The following SHCBP1 variants were observed in gnomAD, a reference collection of about 807,000 sequenced individuals.
The protein encoded by SHCBP1 is SHC SH2 domain-binding protein 1.
In SHCBP1, 60 loss-of-function variants were observed where a neutral mutation model predicts 75.1. That is an observed-to-expected ratio of 0.80 (90% CI 0.65 to 0.99). The LOEUF (loss-of-function observed/expected upper bound fraction) is 0.99, where lower values mean the gene tolerates loss of function less well. SHCBP1 is among the 50% of genes least tolerant of loss of function. SHCBP1 has a pLI of 0.00. For synonymous variants in SHCBP1, 290 were observed against 293.2 expected (o/e 0.99, Z 0.11); for missense variants, 709 against 809.4 (o/e 0.88, Z 1.50).
At chr16:46,586,124 C>T (rs1964951594) in intron 10 of SHCBP1, among the ~76,000 whole-genome samples, 1 of 152,124 alleles carries the variant, frequency 6.6e-6, no homozygotes, top group Non-Finnish European at 1.5e-5. Flanking sequence ...ATGAATAAGA[C>T]AATTAACAGA....
Position 46,610,095 on chromosome 16 carries a change from C to T in SHCBP1, c.597-1706G>A, listed in dbSNP as rs556841729. Among the ~76,000 whole-genome samples, 5 of 151,980 alleles carry T rather than the reference C, an allele frequency of 3.3e-5. No homozygotes were observed. In the South Asian group the frequency reaches 1.0e-3, roughly 32 times the overall value. On this transcript the variant is annotated intron_variant, in intron 4 of 12. Coordinates refer to ENST00000303383, the MANE Select transcript of SHCBP1 (RefSeq NM_024745.5). ...CCTCCCTAGTAGCTCAGATTACAGGCACCCGCCACCACGCCCAGCTAATTT... is the reference window on the plus strand; with the variant it reads ...CCTCCCTAGTAGCTCAGATTACAGGTACCCGCCACCACGCCCAGCTAATTT...
At chr16:46,596,070 C>T (rs1299424867) in intron 9 of SHCBP1, among the ~76,000 whole-genome samples, 1 of 152,066 alleles carries the variant, frequency 6.6e-6, no homozygotes, top group Non-Finnish European at 1.5e-5. Flanking sequence ...ACAGAGAAAA[C>T]AGACCACAAC....
intron 4 of SHCBP1, among the ~76,000 whole-genome samples, chr16:46,610,505 C>T (rs1188139981): frequency 7.5e-6 from 1 of 132,994 alleles, no homozygotes; most frequent in Non-Finnish European, 1.6e-5. Flanking sequence ...ACTAATTTCC[C>T]CCACTCTAAA....
chr16:46,617,163 T>C (rs1416228463), intron 3 of SHCBP1, among the ~76,000 whole-genome samples: 1 of 152,136 alleles, frequency 6.6e-6, no homozygotes, highest in East Asian at 1.9e-4. Flanking sequence ...TAACCACATA[T>C]AAACAAATTT....
chr16:46,604,194 GCTGA>G (rs1372183491), intron 6 of SHCBP1, 30 bp downstream of exon 6: 1 of 1,612,680 alleles, frequency 6.2e-7, no homozygotes, highest in Non-Finnish European at 8.5e-7. Flanking sequence ...AAGAAAAGAT[GCTGA>G]CTAACTAAGA....
chr16:46,607,149 G>A (rs1965338348), intron 5 of SHCBP1, among the ~76,000 whole-genome samples: 1 of 152,128 alleles, frequency 6.6e-6, no homozygotes, highest in Non-Finnish European at 1.5e-5. Flanking sequence ...GAGGTCAGGA[G>A]TTCGAGACCA....
intron 4 of SHCBP1, among the ~76,000 whole-genome samples, chr16:46,609,442 C>CTTTTTTTT (rs71158875): frequency 3.6e-4 from 22 of 61,334 alleles, no homozygotes; most frequent in Non-Finnish European, 4.5e-4. Context: ...CTTTTCTTTT[C>CTTTTTTTT]TTTTTTTTTT....
At chr16:46,620,762 G>A (rs1000634491) in intron 1 of SHCBP1, 1 of 153,352 alleles carries the variant, frequency 6.5e-6, no homozygotes, top group Non-Finnish European at 1.5e-5. Context: ...GAAGACCCCG[G>A]TTCTATTTCT....
Position 46,579,389 on chromosome 16 carries a change from A to T in SHCBP1, c.*2340T>A, listed in dbSNP as rs888027439. Among the ~76,000 whole-genome samples the T allele has an allele frequency of 7.2e-5, 11 of 152,224 alleles. No homozygotes were observed. Among genetic ancestry groups the T allele is most frequent in the African/African-American group, 2.7e-4 (11 of 41,444 alleles). On this transcript the variant is annotated 3_prime_UTR_variant, in exon 13 of 13. Transcript: ENST00000303383. ...AAAGTAGGCCTACTCATTATAATGA[A>T]TCATGTGAATAAAAATTAATATAAG...
At chr16:46,599,410 G>C (rs1008901531) in intron 9 of SHCBP1, among the ~76,000 whole-genome samples, 6 of 152,116 alleles carry the variant, frequency 3.9e-5, no homozygotes, top group Admixed American at 2.6e-4. Context: ...GAAGGAGAGA[G>C]ATAGGGGAAT....
At chr16:46,610,840 C>T (rs1002341548) in intron 4 of SHCBP1, among the ~76,000 whole-genome samples, 13 of 151,688 alleles carry the variant, frequency 8.6e-5, no homozygotes, top group Admixed American at 2.6e-4. Context: ...ATTACAGGTG[C>T]ACCCAGTCCC....
intron 2 of SHCBP1, 95 bp from the exon 3 acceptor site, chr16:46,617,844 G>T (rs1965526159): frequency 4.3e-6 from 4 of 933,270 alleles, no homozygotes. Context: ...CAATCTGAGG[G>T]ACTGAAATAG....
intron 9 of SHCBP1, 71 bp from the exon 10 acceptor site, chr16:46,595,741 G>A (rs1419826573): frequency 5.2e-5 from 52 of 1,009,616 alleles, no homozygotes; most frequent in South Asian, 5.0e-4. Flanking sequence ...ATAGCCTCGC[G>A]CTGACATTAG....
At chr16:46,617,135 GAC>G (rs1326907134) in intron 3 of SHCBP1, among the ~76,000 whole-genome samples, 3 of 152,150 alleles carry the variant, frequency 2.0e-5, no homozygotes, top group Non-Finnish European at 4.4e-5. Context: ...TCTGCAATGG[GAC>G]ACACTGTCAA....
chr16:46,598,230 T>C (rs1311800377), intron 9 of SHCBP1, among the ~76,000 whole-genome samples: 1 of 152,194 alleles, frequency 6.6e-6, no homozygotes, highest in Non-Finnish European at 1.5e-5. Context: ...CAGAAACTTT[T>C]CAATTGACTT....
chr16:46,601,183 C>A (rs1965230828), intron 8 of SHCBP1, among the ~76,000 whole-genome samples: 1 of 152,094 alleles, frequency 6.6e-6, no homozygotes. Context: ...GTGGCAGGCA[C>A]CAGTAATCCC....
rs1965284472 is a variant in SHCBP1 at position 46,604,001 on chromosome 16, G to A, written c.1066C>T (p.Pro356Ser). Residue 356 changes from proline (P) to serine (S), a missense_variant, in exon 7 of 13, where the codon CCT becomes TCT. Physicochemically the swap from Pro to Ser is moderately conservative, Grantham distance 74 (BLOSUM62 -1). Transcript: ENST00000303383. ...SLLTDRLCQEPGEEEREIQFH... is the reference protein window; with the variant it reads ...SLLTDRLCQESGEEEREIQFH... Reference sequence around the variant, plus strand: ...TGAATTTCTCTTTCTTCCTCACCAGGCTCCTGGCAAAGCCTGTCCGTAAGC... The same window carrying A: ...TGAATTTCTCTTTCTTCCTCACCAGACTCCTGGCAAAGCCTGTCCGTAAGC... 1.2e-6 allele frequency: 2 copies of A among 1,612,214 alleles called. No individual in the cohort carries two copies. The highest frequency in any genetic ancestry group is 1.7e-6 in the Non-Finnish European group (2 of 1,179,586).
At position 46,583,671 on chromosome 16, in the gene SHCBP1, A is replaced by C. The variant is rs1964906972; in HGVS notation, c.1552-14T>G. The C allele has an allele frequency of 1.9e-6, 3 of 1,595,806 alleles. No individual in the cohort carries two copies. Among genetic ancestry groups the C allele is most frequent in the Non-Finnish European group, 1.7e-6 (2 of 1,176,074 alleles). Reference sequence around the variant, plus strand: ...ATCTAAGAAGTCCTGTGACATTGAAAACAAATGTTTTAGGAACTGTCATAT... The same window carrying C: ...ATCTAAGAAGTCCTGTGACATTGAACACAAATGTTTTAGGAACTGTCATAT... On this transcript the variant is annotated splice_polypyrimidine_tract_variant and intron_variant, in intron 11 of 12. Transcript: ENST00000303383.
intron 8 of SHCBP1, among the ~76,000 whole-genome samples, chr16:46,601,732 T>C (rs1409106297): frequency 2.0e-4 from 31 of 152,204 alleles, no homozygotes; most frequent in Non-Finnish European, 4.6e-4. Context: ...CCATTGCTTT[T>C]TATCATCAGA....
Sources: gnomAD v4.1 joint callset for allele counts (sites outside exome capture counted in the v4.1 genomes callset) on GRCh38, gnomAD v4.1.1 for gene constraint, MANE v1.5 for transcripts, NCBI Gene and HGNC (gene_info 2026-07-23, HGNC 2026-07-21) for gene names.